The following ALKAL2 variants were observed in gnomAD, a reference collection of about 807,000 sequenced individuals.
ALKAL2 encodes AUG-alpha.
A neutral mutation model predicts 18.5 loss-of-function variants in ALKAL2; 8 were observed. The ratio of observed to expected loss-of-function variants is 0.43; its 90% CI spans 0.25 to 0.78. The LOEUF (loss-of-function observed/expected upper bound fraction) is 0.78. Among genes scored for constraint, ALKAL2 ranks in the 30% least tolerant of loss-of-function variants. ALKAL2 has a pLI of 0.22. For synonymous variants in ALKAL2, 135 were observed against 95.8 expected, an observed-to-expected ratio of 1.41 and a Z score of -2.39; for missense variants, 241 against 211.2, an observed-to-expected ratio of 1.14 and a Z score of -0.88.
At chr2:281,330 G>T (rs1448511318) in intron 5 of ALKAL2, among the ~76,000 whole-genome samples, 1 of 152,172 alleles carries the variant, frequency 6.6e-6, no homozygotes, top group Non-Finnish European at 1.5e-5. Context: ...GACACCTGTG[G>T]CTGTCAAGCA....
intron 5 of ALKAL2, among the ~76,000 whole-genome samples, chr2:281,018 C>G (rs1289936106): frequency 6.6e-6 from 1 of 152,358 alleles, no homozygotes; most frequent in Non-Finnish European, 1.5e-5. Flanking sequence ...TGATGCCACA[C>G]CGTCACACGA....
chr2:287,137 CTT>C (rs947257964), intron 2 of ALKAL2: 19 of 154,786 alleles, frequency 1.2e-4, no homozygotes, highest in African/African-American at 4.3e-4. Flanking sequence ...TCACTCCTAA[CTT>C]GACGCAGCCG....
intron 4 of ALKAL2, 185 bp from the exon 5 acceptor site, chr2:283,360 C>T (rs1330512835): frequency 1.0e-6 from 1 of 985,280 alleles, no homozygotes; most frequent in African/African-American, 1.7e-5. Context: ...TATGGTGCTT[C>T]AAGGGCTTGA....
intron 5 of ALKAL2, among the ~76,000 whole-genome samples, chr2:280,499 C>G (rs1670306872): frequency 6.6e-6 from 1 of 152,214 alleles, no homozygotes; most frequent in Non-Finnish European, 1.5e-5. Context: ...CCTCAGTGTT[C>G]ACAGGGTTGG....
At chr2:287,950 G>A (rs1236009119) in intron 1 of ALKAL2, 58 bp from the exon 2 acceptor site, 2 of 1,230,902 alleles carry the variant, frequency 1.6e-6, no homozygotes, top group Non-Finnish European at 1.0e-6. Context: ...GGGGGACGGA[G>A]CGCGGGGCGG....
intron 5 of ALKAL2, among the ~76,000 whole-genome samples, chr2:280,396 G>A (rs1670302996): frequency 6.6e-6 from 1 of 152,224 alleles, no homozygotes; most frequent in African/African-American, 2.4e-5. Context: ...ACATGTGGAT[G>A]CTTTATTACA....
chr2:281,645 G>A (rs1172980977), intron 5 of ALKAL2, among the ~76,000 whole-genome samples: 1 of 152,150 alleles, frequency 6.6e-6, no homozygotes, highest in Non-Finnish European at 1.5e-5. Context: ...GGCAGGGGTC[G>A]GCTAATGGGC....
intron 2 of ALKAL2, chr2:286,569 G>A: frequency 2.0e-6 from 1 of 493,240 alleles, no homozygotes; most frequent in Non-Finnish European, 3.5e-6. Flanking sequence ...GAAGCTCCAG[G>A]ATTATGTCGG....
In ALKAL2 at chr2:288,004, G is replaced by A. The variant is rs1044533893; in HGVS notation, c.-58+9C>T. ...GGAGGAGCCGCTGGCGCTGGACCCG[G>A]CCCCTCACCTCCGCGGACCCCGAGG... On this transcript the variant is annotated intron_variant, in intron 1 of 5. Coordinates refer to ENST00000403610, the MANE Select transcript of ALKAL2 (RefSeq NM_001002919.3). 9.6e-5 allele frequency: 118 copies of A among 1,230,208 alleles called. No individual in the cohort carries two copies. The highest frequency in any genetic ancestry group is 1.2e-4 in the Non-Finnish European group (114 of 988,530). The allele number at this position is 1,230,208 out of a possible 1,614,324, so 76.2% of individuals were successfully genotyped here.
At chr2:286,230 A>G (rs1215749435) in intron 3 of ALKAL2, 27 bp from the exon 4 acceptor site, 6 of 1,612,406 alleles carry the variant, frequency 3.7e-6, no homozygotes, top group African/African-American at 1.3e-5. Context: ...GAAACAGATC[A>G]TGAAGACTCA....
At chr2:281,850 C>A (rs940143820) in intron 5 of ALKAL2, among the ~76,000 whole-genome samples, 1 of 151,792 alleles carries the variant, frequency 6.6e-6, no homozygotes, top group Non-Finnish European at 1.5e-5. Context: ...CAGGAATGTA[C>A]ATCTGTTCAC....
Position 286,213 on chromosome 2 carries a change from G to A in ALKAL2, c.308-10C>T. 1 of 1,613,452 alleles carries A rather than the reference G, an allele frequency of 6.2e-7. No homozygotes were observed. On this transcript the variant is annotated splice_polypyrimidine_tract_variant and intron_variant, in intron 3 of 5. Transcript: ENST00000403610. ...CTAAAATAAAGAGGGCCTGGAACAC[G>A]GAAGAAGAAACAGATCATGAAGACT...
chr2:284,047 A>G (rs1362724169), intron 4 of ALKAL2, among the ~76,000 whole-genome samples: 1 of 152,234 alleles, frequency 6.6e-6, no homozygotes, highest in East Asian at 1.9e-4. Flanking sequence ...AGGGCCAAAC[A>G]GTGGCACTGG....
chr2:286,254 G>A, intron 3 of ALKAL2, 36 bp downstream of exon 3: 4 of 1,610,114 alleles, frequency 2.5e-6, no homozygotes, highest in Non-Finnish European at 3.4e-6. Flanking sequence ...GTGAAAAGGA[G>A]CTCTGGGAGA....
intron 1 of ALKAL2, 48 bp downstream of exon 1, chr2:287,964 AG>A: frequency 4.4e-6 from 2 of 451,092 alleles, no homozygotes; most frequent in Non-Finnish European, 5.6e-6. Context: ...GGGGCGGGGG[AG>A]GGGAGGGGAG....
chr2:281,948 A>G (rs1000614477), intron 5 of ALKAL2, among the ~76,000 whole-genome samples: 9 of 152,176 alleles, frequency 5.9e-5, no homozygotes, highest in Non-Finnish European at 1.3e-4. Context: ...GTGGGGAGAC[A>G]TTACTACACA....
chr2:287,533 A>G (rs1572210089), intron 2 of ALKAL2, 50 bp downstream of exon 2: 1 of 1,283,222 alleles, frequency 7.8e-7, no homozygotes, highest in East Asian at 3.2e-5. Flanking sequence ...CTCAAAGACA[A>G]TTCTATTTCC....
At chr2:283,678 C>G in intron 4 of ALKAL2, 1 of 734,826 alleles carries the variant, frequency 1.4e-6, no homozygotes, top group Non-Finnish European at 1.7e-6. Flanking sequence ...CGTTTCTAAG[C>G]GCTGGCTGAT....
At chr2:284,504 G>A (rs1670442773) in intron 4 of ALKAL2, among the ~76,000 whole-genome samples, 1 of 152,208 alleles carries the variant, frequency 6.6e-6, no homozygotes, top group African/African-American at 2.4e-5. Context: ...GGGCTAAGAA[G>A]AGGCAGAAAG....
Sources: gnomAD v4.1 joint callset for allele counts (sites outside exome capture counted in the v4.1 genomes callset) on GRCh38, gnomAD v4.1.1 for gene constraint, MANE v1.5 for transcripts, NCBI Gene and HGNC (gene_info 2026-07-23, HGNC 2026-07-21) for gene names.